SPMIP2: variants seen among roughly 807,000 people sequenced by gnomAD.
SPMIP2 encodes the protein sperm microtubule inner protein 2, also known as protein SPMIP2.
the SPMIP2 span, among the ~76,000 whole-genome samples, chr4:159,049,128 A>G: frequency 2.0e-5 from 3 of 152,234 alleles, no homozygotes; most frequent in Non-Finnish European, 2.9e-5. Flanking sequence ...GGGATTTCTG[A>G]GAAAACACTG....
At chr4:158,980,395 ATG>A in the SPMIP2 span, among the ~76,000 whole-genome samples, 1 of 152,204 alleles carries the variant, frequency 6.6e-6, no homozygotes, top group Non-Finnish European at 1.5e-5. Flanking sequence ...CCTGACCCCC[ATG>A]TCTCCTGACT....
chr4:159,039,372 G>T, the SPMIP2 span, among the ~76,000 whole-genome samples: 1 of 152,170 alleles, frequency 6.6e-6, no homozygotes, highest in Non-Finnish European at 1.5e-5. Flanking sequence ...GTGGCCCAGG[G>T]GAGTGGAGAT....
At chr4:159,044,798 C>A in the SPMIP2 span, among the ~76,000 whole-genome samples, 1 of 152,090 alleles carries the variant, frequency 6.6e-6, no homozygotes, top group African/African-American at 2.4e-5. Flanking sequence ...GTGTTAAAGT[C>A]ATAGCTGAGC....
the SPMIP2 span, among the ~76,000 whole-genome samples, chr4:158,929,547 T>C: frequency 6.6e-6 from 1 of 152,228 alleles, no homozygotes; most frequent in Non-Finnish European, 1.5e-5. Flanking sequence ...GTTGTATCTT[T>C]TAGTATGCAT....
the SPMIP2 span, among the ~76,000 whole-genome samples, chr4:158,920,063 G>A: frequency 6.6e-6 from 1 of 152,202 alleles, no homozygotes; most frequent in East Asian, 1.9e-4. Flanking sequence ...GGGACCAGCT[G>A]GAGCTGCAGC....
the SPMIP2 span, among the ~76,000 whole-genome samples, chr4:158,946,024 G>A: frequency 6.6e-6 from 1 of 152,082 alleles, no homozygotes; most frequent in East Asian, 1.9e-4. Flanking sequence ...AGAGATACAG[G>A]TCTCTCCAAA....
chr4:158,927,837 AGCACCCGG>A, the SPMIP2 span, among the ~76,000 whole-genome samples: 1,073 of 152,260 alleles, frequency 7.0e-3, 13 homozygotes, highest in African/African-American at 0.025. Flanking sequence ...TGAGGGGCTT[AGCACCCGG>A]GCCAGCAGCT....
chr4:159,032,094 C>T, the SPMIP2 span, among the ~76,000 whole-genome samples: 4 of 151,894 alleles, frequency 2.6e-5, no homozygotes, highest in African/African-American at 4.8e-5. Flanking sequence ...TGGTGGCTCA[C>T]GTCTGTAATT....
the SPMIP2 span, among the ~76,000 whole-genome samples, chr4:158,910,881 A>G: frequency 1.3e-5 from 2 of 152,202 alleles, no homozygotes; most frequent in South Asian, 2.1e-4. Context: ...TTGCTCTCCT[A>G]CATGCACAAC....
At chr4:159,053,017 C>G in the SPMIP2 span, among the ~76,000 whole-genome samples, 7 of 127,122 alleles carry the variant, frequency 5.5e-5, no homozygotes, top group Middle Eastern at 4.7e-3. Flanking sequence ...AGTGCAGTGG[C>G]GGGATCTCGG....
chr4:158,902,705 G>A, the SPMIP2 span, among the ~76,000 whole-genome samples: 2 of 152,222 alleles, frequency 1.3e-5, no homozygotes, highest in Admixed American at 1.3e-4. Flanking sequence ...ATCTAGAGAG[G>A]CAGTCTGGCC....
At chr4:158,927,918 C>T in the SPMIP2 span, among the ~76,000 whole-genome samples, 1 of 152,240 alleles carries the variant, frequency 6.6e-6, no homozygotes, top group Non-Finnish European at 1.5e-5. Flanking sequence ...GATTTCTCGG[C>T]GGGCCTTAGC....
the SPMIP2 span, among the ~76,000 whole-genome samples, chr4:159,065,900 A>C: frequency 1.2e-4 from 19 of 152,192 alleles, no homozygotes; most frequent in Non-Finnish European, 2.4e-4. Context: ...ATGAGAAGTT[A>C]AATAACTTTT....
chr4:159,056,292 T>C, the SPMIP2 span, among the ~76,000 whole-genome samples: 1 of 152,206 alleles, frequency 6.6e-6, no homozygotes, highest in Admixed American at 6.5e-5. Flanking sequence ...TCCTTAAAGC[T>C]ATCATTTCAT....
At chr4:158,918,343 C>G in the SPMIP2 span, among the ~76,000 whole-genome samples, 1 of 152,158 alleles carries the variant, frequency 6.6e-6, no homozygotes, top group African/African-American at 2.4e-5. Flanking sequence ...TCCAGTTTGT[C>G]TGAGTTGTGT....
chr4:159,035,349 C>G, the SPMIP2 span, among the ~76,000 whole-genome samples: 1 of 152,182 alleles, frequency 6.6e-6, no homozygotes, highest in Non-Finnish European at 1.5e-5. Context: ...AATAACTTTT[C>G]CTTATTTGTC....
chr4:158,929,750 T>C, the SPMIP2 span, among the ~76,000 whole-genome samples: 1 of 152,232 alleles, frequency 6.6e-6, no homozygotes, highest in Non-Finnish European at 1.5e-5. Context: ...TATATGCCTA[T>C]CAATATAATT....
chr4:158,895,982 A>G, the SPMIP2 span: 1 of 697,748 alleles, frequency 1.4e-6, no homozygotes, highest in African/African-American at 1.8e-5. Flanking sequence ...CCATCAAAGT[A>G]TGTGGAGTCC....
the SPMIP2 span, among the ~76,000 whole-genome samples, chr4:159,045,475 T>C: frequency 2.0e-5 from 3 of 152,250 alleles, no homozygotes; most frequent in African/African-American, 7.2e-5. Context: ...TTTTAGGCCA[T>C]TGAAAGTGAA....
Sources: allele counts gnomAD v4.1 joint callset (sites outside exome capture counted in the v4.1 genomes callset), GRCh38; gene constraint gnomAD v4.1.1; transcripts MANE v1.5; gene names NCBI Gene and HGNC (gene_info 2026-07-23, HGNC 2026-07-21).